Variants in PLCG2 observed in about 807,000 individuals in gnomAD.
PLCG2 encodes phospholipase C gamma 2.
In PLCG2, 69 loss-of-function variants were observed where a neutral mutation model predicts 175.6. The observed-to-expected ratio is 0.39, with a 90% confidence interval of 0.32 to 0.48. The LOEUF (loss-of-function observed/expected upper bound fraction) is 0.48. PLCG2 is among the 20% of genes least tolerant of loss of function. The pLI, the probability that PLCG2 is intolerant of heterozygous loss-of-function variation, is 0.91. For synonymous variants in PLCG2, 827 were observed against 624.0 expected (o/e 1.33, Z -4.85); for missense variants, 1,798 against 1,650.9 (o/e 1.09, Z -1.54).
chr16:81,912,821 G>A (rs1909688150), intron 19 of PLCG2, 105 bp downstream of exon 19: 1 of 1,324,696 alleles, frequency 7.5e-7, no homozygotes, highest in African/African-American at 1.5e-5. Context: ...GCAGTGCCCT[G>A]CCCCCCCAGC....
rs12448152 is a variant in PLCG2 at position 81,919,763 on chromosome 16, A to G, written c.2235+99A>G. ...GCAAACCTCTGAGTATTCACCATGT[A>G]TCTGATACTGCTGTAGGTCCTGGGG... On this transcript the variant is annotated intron_variant, in intron 20 of 32. Transcript: ENST00000564138. 1 allele frequency: 962,409 copies of G among 962,454 alleles called. 481,182 individuals carry two copies. The highest frequency in any genetic ancestry group is 1 in the Non-Finnish European group (628,346 of 628,346). The allele number at this position is 962,454 out of a possible 1,614,324, so 59.6% of individuals were successfully genotyped here.
Position 81,889,209 on chromosome 16 carries a change from G to T in PLCG2, c.803G>T (p.Arg268Leu). 1 of 1,605,444 alleles carries T rather than the reference G, an allele frequency of 6.2e-7. No homozygotes were observed. Among genetic ancestry groups the T allele is most frequent in the Non-Finnish European group, 8.5e-7 (1 of 1,175,880 alleles). Residue 268 changes from arginine (R) to leucine (L), a missense_variant, in exon 10 of 33, where the codon CGG (arginine) becomes CTG (leucine). By Grantham distance (102) the Arg-to-Leu change is moderately radical. Transcript: ENST00000564138. ...CAGGATCTGAACAAAGTCCGTGAGC[G>T]GATGACAAAGTTCATTGATGACACC... ...WAQDLNKVRE[R>L]MTKFIDDTMR...
At chr16:81,840,359 G>A (rs561858387) in intron 2 of PLCG2, among the ~76,000 whole-genome samples, 1 of 152,236 alleles carries the variant, frequency 6.6e-6, no homozygotes, top group Admixed American at 6.5e-5. Context: ...CTTTTCCATG[G>A]GCCAGATTGG....
chr16:81,846,237 G>A (rs1486235403), intron 2 of PLCG2, among the ~76,000 whole-genome samples: 4 of 143,208 alleles, frequency 2.8e-5, no homozygotes, highest in African/African-American at 1.0e-4. Flanking sequence ...GAGGACAAGA[G>A]GACTGGCCTC....
chr16:81,857,206 T>C (rs1906731202), intron 3 of PLCG2, among the ~76,000 whole-genome samples: 2 of 152,162 alleles, frequency 1.3e-5, no homozygotes, highest in Non-Finnish European at 2.9e-5. Flanking sequence ...ATCCCTCTCT[T>C]CTGGTTTAAT....
Position 81,940,030 on chromosome 16 carries a change from C to G in PLCG2, c.3452C>G (p.Ala1151Gly). Residue 1151 changes from alanine to glycine, a missense_variant, in exon 30 of 33, where the codon GCC becomes GGC. Ala to Gly is a moderately conservative substitution (Grantham distance 60, BLOSUM62 0). Coordinates refer to ENST00000564138, the MANE Select transcript of PLCG2 (RefSeq NM_002661.5). ...MFSDPNFLAH[A>G]TYPIKAVKSG... Reference sequence around the variant, plus strand: ...AGCGATCCCAACTTTCTTGCTCATGCCACTTACCCCATTAAAGCAGTCAAA... The same window carrying G: ...AGCGATCCCAACTTTCTTGCTCATGGCACTTACCCCATTAAAGCAGTCAAA... 6.2e-7 allele frequency: 1 copy of G among 1,613,668 alleles called. No homozygotes were observed. Among genetic ancestry groups the G allele is most frequent in the South Asian group, 1.1e-5 (1 of 91,062 alleles).
At chr16:81,920,171 A>G (rs1228910606) in intron 20 of PLCG2, among the ~76,000 whole-genome samples, 3 of 152,218 alleles carry the variant, frequency 2.0e-5, no homozygotes, top group African/African-American at 7.2e-5. Flanking sequence ...GTGACTTATC[A>G]TGCAGGGGCT....
rs116866940 is a variant in PLCG2, at chr16:81,854,254, C to G, written c.194-190C>G. ...GGGGTTTGTGGGGTGGCAGCAAATG[C>G]CCGGGTAGGGTCTTAGCCCTTTGTC... On this transcript the variant is annotated intron_variant, in intron 2 of 32. Transcript: ENST00000564138. 0.031 allele frequency among the ~76,000 whole-genome samples: 4,678 copies of G among 152,242 alleles called. 109 individuals are homozygous for G. The highest frequency in any genetic ancestry group is 0.047 in the Non-Finnish European group (3,220 of 68,012).
intron 5 of PLCG2, among the ~76,000 whole-genome samples, chr16:81,860,174 T>TATTATTATTATTATTATTA (rs1555513305): frequency 3.8e-4 from 37 of 96,606 alleles, no homozygotes; most frequent in Non-Finnish European, 5.0e-4. Flanking sequence ...TTATTATTAT[T>TATTATTATTATTATTATTA]TTTTTTTTTT....
chr16:81,955,755 G>T (rs1301129983), intron 31 of PLCG2, among the ~76,000 whole-genome samples: 1 of 152,212 alleles, frequency 6.6e-6, no homozygotes, highest in African/African-American at 2.4e-5. Flanking sequence ...TCCCACGGAT[G>T]CGTCTAGTTG....
chr16:81,781,523 G>A (rs1325413903), intron 1 of PLCG2, among the ~76,000 whole-genome samples: 2 of 151,914 alleles, frequency 1.3e-5, no homozygotes, highest in Non-Finnish European at 2.9e-5. Flanking sequence ...TTGCAGGATC[G>A]AAGCATATGC....
chr16:81,918,611 C>G (rs535469162), intron 19 of PLCG2, among the ~76,000 whole-genome samples: 3 of 152,196 alleles, frequency 2.0e-5, no homozygotes, highest in South Asian at 2.1e-4. Flanking sequence ...GTCTGTGTGT[C>G]TGTTTTTATG....
At chr16:81,924,336 T>A (rs1252403528) in intron 22 of PLCG2, among the ~76,000 whole-genome samples, 4 of 152,274 alleles carry the variant, frequency 2.6e-5, no homozygotes, top group Non-Finnish European at 5.9e-5. Flanking sequence ...TAACTGGACC[T>A]GGCTTAGGAA....
intron 31 of PLCG2, among the ~76,000 whole-genome samples, chr16:81,949,898 G>A (rs1395286024): frequency 2.0e-5 from 3 of 152,214 alleles, no homozygotes; most frequent in African/African-American, 7.2e-5. Flanking sequence ...GAATCAGTCA[G>A]TAAATAAACT....
At chr16:81,877,716 A>C (rs539617277) in intron 7 of PLCG2, among the ~76,000 whole-genome samples, 1 of 151,750 alleles carries the variant, frequency 6.6e-6, no homozygotes, top group East Asian at 1.9e-4. Context: ...TTTGGTGTGC[A>C]GACACCATCA....
intron 2 of PLCG2, among the ~76,000 whole-genome samples, chr16:81,769,445 C>G (rs954547625): frequency 1.3e-5 from 2 of 152,274 alleles, no homozygotes; most frequent in South Asian, 2.1e-4. Flanking sequence ...TAACTCCCGG[C>G]GCATCTCAGA....
At chr16:81,742,262 T>G (rs371062580) in intron 1 of PLCG2, among the ~76,000 whole-genome samples, 1 of 150,146 alleles carries the variant, frequency 6.7e-6, no homozygotes, top group Non-Finnish European at 1.5e-5. Flanking sequence ...CCCTGGAAAA[T>G]AGGGGTTAGG....
chr16:81,867,288 C>T (rs1408025325), intron 5 of PLCG2, among the ~76,000 whole-genome samples: 2 of 152,216 alleles, frequency 1.3e-5, no homozygotes, highest in East Asian at 3.9e-4. Context: ...CCTCTCTTGA[C>T]CACTCTGTCT....
Position 81,923,410 on chromosome 16 carries a change from G to T in PLCG2, c.2308-75G>T, listed in dbSNP as rs1280095832. The T allele has an allele frequency of 9.5e-6, 8 of 840,892 alleles. No individual in the cohort carries two copies. In the African/African-American group the frequency reaches 1.2e-4, roughly 12 times the overall value. The allele number at this position is 840,892 out of a possible 1,614,324, so 52.1% of individuals were successfully genotyped here. A position where few individuals can be genotyped will look rare whatever the true frequency, so the allele number is the denominator to read the frequency against. ...TGCTCCCCAATGAGAAGAACCAAAT[G>T]GTACCTGGGAACGCAGCCGCCTCCC... On this transcript the variant is annotated intron_variant, in intron 21 of 32. Coordinates refer to ENST00000564138, the MANE Select transcript of PLCG2 (RefSeq NM_002661.5).
Sources: allele counts gnomAD v4.1 joint callset (sites outside exome capture counted in the v4.1 genomes callset), GRCh38; gene constraint gnomAD v4.1.1; transcripts MANE v1.5; gene names NCBI Gene and HGNC (gene_info 2026-07-23, HGNC 2026-07-21).